Variants in CNTNAP5 observed in about 807,000 individuals in gnomAD.
CNTNAP5 encodes the protein contactin associated protein family member 5.
A neutral mutation model predicts 150.2 loss-of-function variants in CNTNAP5; 72 were observed. That is an observed-to-expected ratio of 0.48 (90% CI 0.40 to 0.58). CNTNAP5 has a LOEUF of 0.58. Among genes scored for constraint, CNTNAP5 ranks in the 20% least tolerant of loss-of-function variants. The pLI, the probability that CNTNAP5 is intolerant of heterozygous loss-of-function variation, is 0.00. For synonymous variants in CNTNAP5, 672 were observed against 619.8 expected, an observed-to-expected ratio of 1.08 and a Z score of -1.25; for missense variants, 1,636 against 1,626.2, an observed-to-expected ratio of 1.01 and a Z score of -0.10.
chr2:124,811,045 A>T (rs1170880254), intron 19 of CNTNAP5, among the ~76,000 whole-genome samples: 1 of 152,174 alleles, frequency 6.6e-6, no homozygotes, highest in Non-Finnish European at 1.5e-5. Flanking sequence ...GTCTGCAAGT[A>T]ACAAATACCA....
At chr2:124,171,540 G>A (rs72835230) in intron 1 of CNTNAP5, among the ~76,000 whole-genome samples, 25 of 152,274 alleles carry the variant, frequency 1.6e-4, no homozygotes, top group Non-Finnish European at 2.8e-4. Context: ...GGGTCATCCT[G>A]CGAGCTGAAG....
Position 124,860,497 on chromosome 2 carries a change from TTCCTTCTTTCCTTCC to T in CNTNAP5, c.3218-4807_3218-4793del, listed in dbSNP as rs1558803947. On this transcript the variant is annotated intron_variant, in intron 19 of 23. Transcript: ENST00000682447. The stretch of plus-strand genomic sequence containing the variant: ...CTTCCTTCCTTCCTTCCTTCCTTCC[TTCCTTCTTTCCTTCC>T]TTCCTTCCTTCCTTCCTTCCTTCCT... Among the ~76,000 whole-genome samples the T allele has an allele frequency of 1.8e-3, 161 of 88,394 alleles. 3 individuals carry two copies. The highest frequency in any genetic ancestry group is 3.8e-3 in the East Asian group (13 of 3,420). The allele number at this position is 88,394 out of a possible 152,430, so 58.0% of individuals were successfully genotyped here. A position where few individuals can be genotyped will look rare whatever the true frequency, so the allele number is the denominator to read the frequency against.
At chr2:124,829,485 C>G (rs1308898299) in intron 19 of CNTNAP5, among the ~76,000 whole-genome samples, 1 of 151,950 alleles carries the variant, frequency 6.6e-6, no homozygotes, top group Non-Finnish European at 1.5e-5. Flanking sequence ...GATTTTCTTT[C>G]CTGACATTTC....
intron 19 of CNTNAP5, among the ~76,000 whole-genome samples, chr2:124,854,424 G>A (rs535532920): frequency 3.3e-5 from 5 of 152,192 alleles, no homozygotes; most frequent in African/African-American, 1.2e-4. Flanking sequence ...TTAATCTGAG[G>A]ATTTAATGAA....
At chr2:124,860,221 G>A (rs1677484296) in intron 19 of CNTNAP5, among the ~76,000 whole-genome samples, 2 of 151,834 alleles carry the variant, frequency 1.3e-5, no homozygotes, top group Middle Eastern at 3.4e-3. Context: ...ATGGTGGTGG[G>A]CGCCTGTAGT....
At chr2:124,399,631 T>C (rs555497958) in intron 3 of CNTNAP5, among the ~76,000 whole-genome samples, 1 of 152,012 alleles carries the variant, frequency 6.6e-6, no homozygotes, top group East Asian at 1.9e-4. Flanking sequence ...TAGCTTATTC[T>C]CTGGTCAATT....
rs182282514 is a variant in CNTNAP5, at chr2:124,450,056, C to T, written c.918+3119C>T. Reference sequence around the variant, plus strand: ...TAAACAGGATATGTAAATCTAAGGTCTATTTTATCACAACGTTGCATATCA... The same window carrying T: ...TAAACAGGATATGTAAATCTAAGGTTTATTTTATCACAACGTTGCATATCA... On this transcript the variant is annotated intron_variant, in intron 6 of 23. Transcript: ENST00000682447. Among the ~76,000 whole-genome samples, 45 of 144,194 alleles carry T rather than the reference C, an allele frequency of 3.1e-4. No individual in the cohort carries two copies. In the East Asian group the frequency reaches 8.3e-3, roughly 27 times the overall value. 94.6% of individuals were successfully genotyped at this position (144,194 alleles called of 152,430 possible).
At chr2:124,251,057 C>T (rs1043356578) in intron 3 of CNTNAP5, among the ~76,000 whole-genome samples, 7 of 152,066 alleles carry the variant, frequency 4.6e-5, no homozygotes, top group African/African-American at 1.7e-4. Context: ...TTGTGTTTCA[C>T]GTCTCTGACC....
At chr2:124,768,195 A>C (rs1254765101) in intron 16 of CNTNAP5, among the ~76,000 whole-genome samples, 1 of 151,728 alleles carries the variant, frequency 6.6e-6, no homozygotes, top group African/African-American at 2.4e-5. Flanking sequence ...GAAATGTGTA[A>C]TTTATTTTTA....
intron 17 of CNTNAP5, among the ~76,000 whole-genome samples, chr2:124,783,381 T>C (rs1194098870): frequency 1.3e-5 from 2 of 152,156 alleles, no homozygotes; most frequent in Non-Finnish European, 2.9e-5. Flanking sequence ...CATTCTCTTT[T>C]GTCAGACATT....
intron 3 of CNTNAP5, among the ~76,000 whole-genome samples, chr2:124,258,241 C>T (rs2104597629): frequency 6.6e-6 from 1 of 152,122 alleles, no homozygotes; most frequent in South Asian, 2.1e-4. Flanking sequence ...GGTGCAGTAC[C>T]TCATTAATTT....
At chr2:124,318,285 A>G (rs1348299957) in intron 3 of CNTNAP5, among the ~76,000 whole-genome samples, 2 of 152,216 alleles carry the variant, frequency 1.3e-5, no homozygotes, top group Non-Finnish European at 2.9e-5. Flanking sequence ...AAAAACATTA[A>G]CATCTAAACC....
intron 20 of CNTNAP5, 127 bp downstream of exon 20, chr2:124,865,563 C>T (rs1426752526): frequency 1.2e-6 from 1 of 857,122 alleles, no homozygotes; most frequent in African/African-American, 1.7e-5. Context: ...CACACTTGCC[C>T]CCAGACTTGG....
chr2:124,322,795 A>G (rs1437171487), intron 3 of CNTNAP5, among the ~76,000 whole-genome samples: 2 of 152,142 alleles, frequency 1.3e-5, no homozygotes, highest in African/African-American at 4.8e-5. Flanking sequence ...TTCCTTCTGG[A>G]TCCCACAACC....
rs1276273211 is a variant in CNTNAP5 at position 124,661,719 on chromosome 2, A to G, written c.2077+13761A>G. Among the ~76,000 whole-genome samples, 4 of 152,284 alleles carry G rather than the reference A, an allele frequency of 2.6e-5. No individual in the cohort carries two copies. The South Asian group carries it at 6.2e-4, about 24-fold the overall frequency. On this transcript the variant is annotated intron_variant, in intron 13 of 23. Coordinates refer to ENST00000682447, the MANE Select transcript of CNTNAP5 (RefSeq NM_001367498.1). The stretch of plus-strand genomic sequence containing the variant: ...GTGCCATACTTTCATAAAACTGGCA[A>G]CAAAGTAGATTTGTTTACACCAGTA...
chr2:124,711,157 G>A lies in CNTNAP5; in HGVS notation c.2078-36072G>A, dbSNP rs148743518. ...GTGGTGGCACGCACCTGTAATCCCAGCTATTCGGGAGGCTGAGACAGGAGA... is the reference window on the plus strand; with the variant it reads ...GTGGTGGCACGCACCTGTAATCCCAACTATTCGGGAGGCTGAGACAGGAGA... On this transcript the variant is annotated intron_variant, in intron 13 of 23. Transcript: ENST00000682447. Among the ~76,000 whole-genome samples the A allele has an allele frequency of 1.7e-3, 251 of 152,094 alleles. 3 individuals carry two copies. The highest frequency in any genetic ancestry group is 5.7e-3 in the African/African-American group (237 of 41,488).
intron 16 of CNTNAP5, among the ~76,000 whole-genome samples, chr2:124,772,082 CCAT>C (rs1380405704): frequency 6.6e-6 from 1 of 151,956 alleles, no homozygotes; most frequent in African/African-American, 2.4e-5. Context: ...CCCACCACCA[CCAT>C]CAATACCACC....
intron 22 of CNTNAP5, among the ~76,000 whole-genome samples, chr2:124,908,092 G>A (rs1019725952): frequency 2.6e-5 from 4 of 152,046 alleles, no homozygotes; most frequent in Non-Finnish European, 5.9e-5. Flanking sequence ...AAGCCATGAG[G>A]CTGGATGCAG....
chr2:124,907,049 A>G (rs1324427175), intron 22 of CNTNAP5, among the ~76,000 whole-genome samples: 4 of 152,112 alleles, frequency 2.6e-5, no homozygotes, highest in African/African-American at 9.7e-5. Context: ...GCACTATATC[A>G]TAATACAGTG....
Sources: gnomAD v4.1 joint callset for allele counts (sites outside exome capture counted in the v4.1 genomes callset) on GRCh38, gnomAD v4.1.1 for gene constraint, MANE v1.5 for transcripts, NCBI Gene and HGNC (gene_info 2026-07-23, HGNC 2026-07-21) for gene names.